The following LINGO1 variants were observed in gnomAD, a reference collection of about 807,000 sequenced individuals.
The protein encoded by LINGO1 is leucine rich repeat and Ig domain containing 1.
A neutral mutation model predicts 37.3 loss-of-function variants in LINGO1; 11 were observed. That is an observed-to-expected ratio of 0.29 (90% confidence interval 0.19 to 0.49). The LOEUF (loss-of-function observed/expected upper bound fraction) is 0.49, where lower values mean the gene tolerates loss of function less well. Ranked by LOEUF, LINGO1 falls within the 20% of genes least tolerant of loss-of-function variation. The pLI, the probability that LINGO1 is intolerant of heterozygous loss-of-function variation, is 0.99. For missense variants in LINGO1, 585 were observed against 878.2 expected, an observed-to-expected ratio of 0.67 and a Z score of 4.22; for synonymous variants, 387 against 403.0, an observed-to-expected ratio of 0.96 and a Z score of 0.48.
chr15:77,676,599 C>A (rs77837479), intron 3 of LINGO1, among the ~76,000 whole-genome samples: 5 of 152,130 alleles, frequency 3.3e-5, no homozygotes, highest in Non-Finnish European at 7.4e-5. Context: ...CGGGTGCTGA[C>A]GATGTCCCAC....
In LINGO1 at chr15:77,652,483, A is replaced by AGTGTGTGTGTGTGTGTGT. The variant is rs773433884; in HGVS notation, c.-13+24588_-13+24605dup. Among the ~76,000 whole-genome samples, 742 of 128,928 alleles carry AGTGTGTGTGTGTGTGTGT rather than the reference A, an allele frequency of 5.8e-3. 7 individuals are homozygous for AGTGTGTGTGTGTGTGTGT. Among genetic ancestry groups the AGTGTGTGTGTGTGTGTGT allele is most frequent in the Middle Eastern group, 0.016 (4 of 248 alleles). The allele number at this position is 128,928 out of a possible 152,430, so 84.6% of individuals were successfully genotyped here. On this transcript the variant is annotated intron_variant, in intron 3 of 3. Transcript: ENST00000559893. Reference sequence around the variant, plus strand: ...CCTACAGCTGCAGCTGGGGAGGGAGAGTGTGTGTGTGTGTGTGTGTGTGTG... The same window carrying AGTGTGTGTGTGTGTGTGT: ...CCTACAGCTGCAGCTGGGGAGGGAGAGTGTGTGTGTGTGTGTGTGTGTGTGTGTGTGTGTGTGTGTGTG...
chr15:77,819,650 A>AC (rs947860535), intron 1 of LINGO1: 1 of 146,946 alleles, frequency 6.8e-6, no homozygotes, highest in African/African-American at 2.5e-5. Flanking sequence ...GCTCACAAAG[A>AC]CCCCCTGCCG....
intron 2 of LINGO1, among the ~76,000 whole-genome samples, chr15:77,721,296 GC>G (rs2076047428): frequency 6.6e-6 from 1 of 151,884 alleles, no homozygotes; most frequent in Non-Finnish European, 1.5e-5. Context: ...TGGAGCCTCT[GC>G]CACAGGGCCT....
chr15:77,748,385 C>T (rs1040834029), intron 1 of LINGO1, among the ~76,000 whole-genome samples: 7 of 152,242 alleles, frequency 4.6e-5, no homozygotes, highest in African/African-American at 7.2e-5. Context: ...ATCTATAAAA[C>T]GGGGATAGTA....
At chr15:77,748,130 C>T (rs1342128329) in intron 1 of LINGO1, among the ~76,000 whole-genome samples, 1 of 152,248 alleles carries the variant, frequency 6.6e-6, no homozygotes, top group Non-Finnish European at 1.5e-5. Context: ...AAGACTCTGG[C>T]CACACCAACA....
At chr15:77,636,920 G>T (rs1383374946), upstream of LINGO1, among the ~76,000 whole-genome samples, 1 of 152,212 alleles carries the variant, frequency 6.6e-6, no homozygotes, top group Non-Finnish European at 1.5e-5. Flanking sequence ...GTGGAGGCCA[G>T]ACAGGGATGG....
chr15:77,754,990 G>T (rs1219606488), intron 1 of LINGO1, among the ~76,000 whole-genome samples: 1 of 152,208 alleles, frequency 6.6e-6, no homozygotes, highest in African/African-American at 2.4e-5. Flanking sequence ...ACTTATCTGG[G>T]GGCTGTGCAC....
Position 77,632,205 on chromosome 15 carries a change from G to T in LINGO1, c.6+105C>A. On this transcript the variant is annotated intron_variant, in intron 1 of 1. Transcript: ENST00000355300. The surrounding 1 kb of genome is among the most constrained non-coding windows in gnomAD (Gnocchi z 6.0). Reference sequence around the variant, plus strand: ...CAAAGGAGGTCTGGGTGGCACCGAGGTGCCCTGCAACCCCAGGAGGGCGCA... The same window carrying T: ...CAAAGGAGGTCTGGGTGGCACCGAGTTGCCCTGCAACCCCAGGAGGGCGCA... 1 of 1,178,966 alleles carries T rather than the reference G, an allele frequency of 8.5e-7. No individual in the cohort carries two copies. The highest frequency in any genetic ancestry group is 1.1e-6 in the Non-Finnish European group (1 of 928,034). The allele number at this position is 1,178,966 out of a possible 1,614,324, so 73.0% of individuals were successfully genotyped here. A position where few individuals can be genotyped will look rare whatever the true frequency, so the allele number is the denominator to read the frequency against.
At chr15:77,809,590 C>T (rs1376366465) in intron 1 of LINGO1, among the ~76,000 whole-genome samples, 1 of 152,138 alleles carries the variant, frequency 6.6e-6, no homozygotes. Flanking sequence ...CCTCCCCCAA[C>T]CCCCACAGCA....
chr15:77,657,854 G>C (rs963120302), intron 3 of LINGO1, among the ~76,000 whole-genome samples: 1 of 152,188 alleles, frequency 6.6e-6, no homozygotes, highest in Non-Finnish European at 1.5e-5. Flanking sequence ...ACAAAGTTGC[G>C]AGTTAAAACA....
intron 2 of LINGO1, among the ~76,000 whole-genome samples, chr15:77,712,459 C>G (rs1273923685): frequency 6.6e-6 from 1 of 152,164 alleles, no homozygotes; most frequent in Non-Finnish European, 1.5e-5. Flanking sequence ...ATGAATCCAA[C>G]CAACATCTTG....
intron 1 of LINGO1, among the ~76,000 whole-genome samples, chr15:77,737,226 G>A (rs535469604): frequency 6.6e-6 from 1 of 152,184 alleles, no homozygotes; most frequent in Non-Finnish European, 1.5e-5. Context: ...ATTTCCCCAT[G>A]TGAGCCCTAA....
upstream of LINGO1, among the ~76,000 whole-genome samples, chr15:77,791,824 C>T (rs985459605): frequency 6.6e-6 from 1 of 152,092 alleles, no homozygotes; most frequent in African/African-American, 2.4e-5. Flanking sequence ...ATCCATTAGG[C>T]CACTTGGGAG....
At chr15:77,808,232 C>T (rs78787746) in intron 1 of LINGO1, among the ~76,000 whole-genome samples, 5,270 of 152,270 alleles carry the variant, frequency 0.035, 299 homozygotes, top group African/African-American at 0.12. Flanking sequence ...CTGCACAGCC[C>T]GGGCCCCTCT....
intron 3 of LINGO1, among the ~76,000 whole-genome samples, chr15:77,640,620 A>T (rs896007341): frequency 6.6e-6 from 1 of 152,066 alleles, no homozygotes; most frequent in African/African-American, 2.4e-5. Flanking sequence ...CTCCATTCTG[A>T]CCTGTCCTCT....
intron 1 of LINGO1, among the ~76,000 whole-genome samples, chr15:77,760,531 G>A (rs778982117): frequency 6.6e-6 from 1 of 152,256 alleles, no homozygotes; most frequent in Non-Finnish European, 1.5e-5. Flanking sequence ...CACAGGGCCT[G>A]CATTTATTTC....
chr15:77,713,100 T>C (rs1160644253), intron 2 of LINGO1, among the ~76,000 whole-genome samples: 1 of 152,068 alleles, frequency 6.6e-6, no homozygotes, highest in Non-Finnish European at 1.5e-5. Flanking sequence ...TGGAGTGCAG[T>C]GGTACAATCT....
chr15:77,726,506 T>C (rs181739140), intron 2 of LINGO1, among the ~76,000 whole-genome samples: 4 of 152,366 alleles, frequency 2.6e-5, no homozygotes, highest in Admixed American at 6.5e-5. Flanking sequence ...GAGCTTGCAG[T>C]TGCTACGGCC....
At chr15:77,623,880 T>C (rs1469187912) in intron 1 of LINGO1, among the ~76,000 whole-genome samples, 1 of 146,574 alleles carries the variant, frequency 6.8e-6, no homozygotes, top group Non-Finnish European at 1.5e-5. Context: ...TGTGTGTCTG[T>C]GTGTGAGTGA....
Sources: gnomAD v4.1 joint callset for allele counts (sites outside exome capture counted in the v4.1 genomes callset) on GRCh38, gnomAD v4.1.1 for gene constraint, Gnocchi (gnomAD v3.1) non-coding constraint, MANE v1.5 for transcripts, NCBI Gene and HGNC (gene_info 2026-07-23, HGNC 2026-07-21) for gene names.